TMEM184B: variants seen among roughly 807,000 people sequenced by gnomAD.
TMEM184B encodes the protein putative MAPK-activating protein FM08.
TMEM184B carries 17 observed loss-of-function variants against 41.8 expected under a neutral mutation model. The ratio of observed to expected loss-of-function variants is 0.41; its 90% CI spans 0.28 to 0.61. The LOEUF is 0.61. Ranked by LOEUF, TMEM184B falls within the 20% of genes least tolerant of loss-of-function variation. The pLI is 0.34. For missense variants in TMEM184B, 393 were observed against 557.8 expected (o/e 0.70, Z 2.98); for synonymous variants, 240 against 229.5 (o/e 1.05, Z -0.41).
At chr22:38,256,166 C>A (rs1401995456) in intron 1 of TMEM184B, among the ~76,000 whole-genome samples, 2 of 151,524 alleles carry the variant, frequency 1.3e-5, no homozygotes, top group Non-Finnish European at 2.9e-5. Flanking sequence ...GCTTGACCAA[C>A]ATGAAGAAAC....
At chr22:38,246,475 G>T in intron 2 of TMEM184B, 1 of 287,680 alleles carries the variant, frequency 3.5e-6, no homozygotes, top group Non-Finnish European at 6.9e-6. Context: ...ATCAGTGTGT[G>T]CCCTTTCCCT....
At chr22:38,250,910 G>A (rs1043101646) in intron 1 of TMEM184B, among the ~76,000 whole-genome samples, 11 of 152,280 alleles carry the variant, frequency 7.2e-5, no homozygotes, top group African/African-American at 2.6e-4. Context: ...CATATAGGTC[G>A]TTTATTTCAC....
chr22:38,241,361 T>C, intron 3 of TMEM184B, among the ~76,000 whole-genome samples: 1 of 152,086 alleles, frequency 6.6e-6, no homozygotes, highest in South Asian at 2.1e-4. Context: ...AGAAGGCAAG[T>C]AGTAACTGGA....
intron 1 of TMEM184B, among the ~76,000 whole-genome samples, chr22:38,262,871 G>C (rs1168465940): frequency 6.6e-6 from 1 of 152,166 alleles, no homozygotes; most frequent in African/African-American, 2.4e-5. Context: ...CACTGGGCAG[G>C]AGGCAAGGTT....
chr22:38,224,529 C>CT (rs951333240), intron 8 of TMEM184B, among the ~76,000 whole-genome samples: 1 of 152,256 alleles, frequency 6.6e-6, no homozygotes, highest in African/African-American at 2.4e-5. Context: ...ATTACAGTCT[C>CT]TGTCTGTATC....
In TMEM184B at chr22:38,221,452, G is replaced by C. The variant is rs376877723; in HGVS notation, c.*17C>G. On this transcript the variant is annotated 3_prime_UTR_variant, in exon 9 of 9. Transcript: ENST00000361906. Reference sequence around the variant, plus strand: ...CCGTGGCTATGGCGCCAGCACTTCCGCCACTGCAGCCCGCACCTAGAATTC... The same window carrying C: ...CCGTGGCTATGGCGCCAGCACTTCCCCCACTGCAGCCCGCACCTAGAATTC... 29 of 1,580,304 alleles carry C rather than the reference G, an allele frequency of 1.8e-5. No individual in the cohort carries two copies. Among genetic ancestry groups the C allele is most frequent in the Non-Finnish European group, 2.4e-5 (28 of 1,162,152 alleles).
chr22:38,230,651 G>A lies in TMEM184B; in HGVS notation c.525+18C>T. The A allele has an allele frequency of 6.2e-7, 1 of 1,604,642 alleles. No individual in the cohort carries two copies. The highest frequency in any genetic ancestry group is 8.5e-7 in the Non-Finnish European group (1 of 1,175,784). ...CGCCCTGCTCCTCCTGAGCTAGGCA[G>A]CTGCTGGGGGCACACACCTGTTTGC... On this transcript the variant is annotated intron_variant, in intron 5 of 8. Coordinates refer to ENST00000361906, the MANE Select transcript of TMEM184B (RefSeq NM_012264.5).
chr22:38,248,163 G>T, intron 1 of TMEM184B, 144 bp from the exon 2 acceptor site: 1 of 1,161,038 alleles, frequency 8.6e-7, no homozygotes, highest in Non-Finnish European at 1.2e-6. Context: ...CTCTCCCCTG[G>T]ATTGATGCAA....
intron 1 of TMEM184B, among the ~76,000 whole-genome samples, chr22:38,248,611 C>T (rs1338431772): frequency 6.6e-6 from 1 of 152,222 alleles, no homozygotes; most frequent in Non-Finnish European, 1.5e-5. Flanking sequence ...CTCCAGAGCA[C>T]TCATTACATC....
chr22:38,228,118 C>T (rs1459149288), intron 5 of TMEM184B, among the ~76,000 whole-genome samples: 2 of 152,138 alleles, frequency 1.3e-5, no homozygotes, highest in African/African-American at 2.4e-5. Flanking sequence ...CAGCCCACAC[C>T]ATGGGGCTGC....
At chr22:38,242,172 A>C (rs1400121929) in intron 3 of TMEM184B, among the ~76,000 whole-genome samples, 1 of 151,974 alleles carries the variant, frequency 6.6e-6, no homozygotes, top group Non-Finnish European at 1.5e-5. Context: ...TTTGTTAACA[A>C]AGAAAAAAAG....
rs2235187 is a variant in TMEM184B at position 38,226,591 on chromosome 22, C to T, written c.617+188G>A. 15 of 562,234 alleles carry T rather than the reference C, an allele frequency of 2.7e-5. No homozygotes were observed. In the East Asian group the frequency reaches 3.1e-4, roughly 12 times the overall value. The allele number at this position is 562,234 out of a possible 1,614,324, so 34.8% of individuals were successfully genotyped here. A position where few individuals can be genotyped will look rare whatever the true frequency, so the allele number is the denominator to read the frequency against. On this transcript the variant is annotated intron_variant, in intron 6 of 8. Transcript: ENST00000361906. This position sits in a 1 kb window ranked among gnomAD's most constrained non-coding sequence, Gnocchi z 4.6. The stretch of plus-strand genomic sequence containing the variant: ...CGTGACTGCTGCCAATGGCTCACTC[C>T]GGGGCTGGCAGCGGGGCCAACTGCA...
chr22:38,239,954 T>C lies in TMEM184B; in HGVS notation c.358+5981A>G, dbSNP rs74817115. On this transcript the variant is annotated intron_variant, in intron 3 of 8. Coordinates refer to ENST00000361906, the MANE Select transcript of TMEM184B (RefSeq NM_012264.5). The surrounding 1 kb of genome is among the most constrained non-coding windows in gnomAD (Gnocchi z 4.6). ...AGGAGGTCCAGCAATTTTTTTTTTT[T>C]CTGGGGCGGGTAGAGATGAGGTCGA... is the stretch of plus-strand genomic sequence containing the variant. Among the ~76,000 whole-genome samples, 1 of 151,924 alleles carries C rather than the reference T, an allele frequency of 6.6e-6. No individual in the cohort carries two copies. Among genetic ancestry groups the C allele is most frequent in the Non-Finnish European group, 1.5e-5 (1 of 67,994 alleles).
At chr22:38,243,559 A>G (rs878926682) in intron 3 of TMEM184B, among the ~76,000 whole-genome samples, 1 of 152,218 alleles carries the variant, frequency 6.6e-6, no homozygotes, top group South Asian at 2.1e-4. Context: ...TCCAGCCTTT[A>G]TGGTGCCCCA....
At chr22:38,235,689 C>A (rs1271520279) in intron 3 of TMEM184B, among the ~76,000 whole-genome samples, 2 of 152,230 alleles carry the variant, frequency 1.3e-5, no homozygotes, top group East Asian at 3.8e-4. Flanking sequence ...AAGCCTGGCC[C>A]CACTGACCAA....
In TMEM184B at chr22:38,225,072, C is replaced by T; in HGVS notation, c.788-93G>A. 1 of 1,378,480 alleles carries T rather than the reference C, an allele frequency of 7.3e-7. No individual in the cohort carries two copies. The highest frequency in any genetic ancestry group is 1.4e-5 in the African/African-American group (1 of 69,260). 85.4% of individuals were successfully genotyped at this position (1,378,480 alleles called of 1,614,324 possible). A position where few individuals can be genotyped will look rare whatever the true frequency, so the allele number is the denominator to read the frequency against. ...GCCCCATTCAGCTGCCCACATGCCCCAGTGAGGATGTGAGCAGGGCCACAG... is the reference window on the plus strand; with the variant it reads ...GCCCCATTCAGCTGCCCACATGCCCTAGTGAGGATGTGAGCAGGGCCACAG... On this transcript the variant is annotated intron_variant, in intron 7 of 8. Transcript: ENST00000361906. This position sits in a 1 kb window ranked among gnomAD's most constrained non-coding sequence, Gnocchi z 4.4.
At chr22:38,221,915 G>T in intron 8 of TMEM184B, 1 of 727,680 alleles carries the variant, frequency 1.4e-6, no homozygotes, top group Non-Finnish European at 2.2e-6. Context: ...AGCCCCAAGG[G>T]GAGGCTGGAC....
intron 1 of TMEM184B, among the ~76,000 whole-genome samples, chr22:38,265,338 C>T (rs1337851480): frequency 1.3e-5 from 2 of 152,206 alleles, no homozygotes; most frequent in Admixed American, 1.3e-4. Context: ...CCTCCTGGAA[C>T]CCCCATGGTT....
chr22:38,246,508 G>A (rs549865540), intron 2 of TMEM184B: 11 of 268,040 alleles, frequency 4.1e-5, no homozygotes, highest in Non-Finnish European at 6.0e-5. Context: ...GGCTGTGACT[G>A]TGGCAGCACT....
Sources: gnomAD v4.1 joint callset for allele counts (sites outside exome capture counted in the v4.1 genomes callset) on GRCh38, gnomAD v4.1.1 for gene constraint, Gnocchi (gnomAD v3.1) non-coding constraint, MANE v1.5 for transcripts, NCBI Gene and HGNC (gene_info 2026-07-23, HGNC 2026-07-21) for gene names.